The following NHSL1 variants were observed in gnomAD, a reference collection of about 807,000 sequenced individuals.
The protein encoded by NHSL1 is NHS-like protein 1.
A neutral mutation model predicts 95.0 loss-of-function variants in NHSL1; 48 were observed. The observed-to-expected ratio is 0.51, with a 90% CI of 0.40 to 0.64. The LOEUF (loss-of-function observed/expected upper bound fraction) is 0.64, where lower values mean the gene tolerates loss of function less well. Ranked by LOEUF, NHSL1 falls within the 30% of genes least tolerant of loss-of-function variation. The pLI, the probability that NHSL1 is intolerant of heterozygous loss-of-function variation, is 0.00. For missense variants in NHSL1, 1,971 were observed against 2,077.7 expected (o/e 0.95, Z 1.00); for synonymous variants, 783 against 833.9 (o/e 0.94, Z 1.05).
At chr6:138,578,080 G>A (rs957927443) in intron 1 of NHSL1, among the ~76,000 whole-genome samples, 1 of 152,128 alleles carries the variant, frequency 6.6e-6, no homozygotes, top group Non-Finnish European at 1.5e-5. Context: ...TTAAAAGAAG[G>A]AAAAGCACTG....
rs1780549951 is a variant in NHSL1 at position 138,499,352 on chromosome 6, C to G, written c.-62G>C. The stretch of plus-strand genomic sequence containing the variant: ...CACATTAAAAGCTCAGCCCAGTAGG[C>G]AGGTGGCAAGCTTCGTCCTTCTGCT... On this transcript the variant is annotated 5_prime_UTR_variant, in exon 1 of 8. Transcript: ENST00000343505. 6.5e-7 allele frequency: 1 copy of G among 1,539,742 alleles called. No individual in the cohort carries two copies. Among genetic ancestry groups the G allele is most frequent in the Admixed American group, 2.0e-5 (1 of 49,060 alleles).
chr6:138,481,058 T>C (rs1779388361), intron 2 of NHSL1, among the ~76,000 whole-genome samples: 1 of 152,164 alleles, frequency 6.6e-6, no homozygotes, highest in African/African-American at 2.4e-5. Context: ...ATCACAAAAC[T>C]TCATCTTAGT....
chr6:138,550,778 A>G (rs1156828707), intron 1 of NHSL1, among the ~76,000 whole-genome samples: 2 of 152,220 alleles, frequency 1.3e-5, no homozygotes, highest in Non-Finnish European at 2.9e-5. Context: ...GATCAGCTCA[A>G]AATTTGACTT....
At chr6:138,521,617 G>A (rs1183883838) in intron 1 of NHSL1, among the ~76,000 whole-genome samples, 2 of 152,150 alleles carry the variant, frequency 1.3e-5, no homozygotes, top group South Asian at 4.1e-4. Context: ...TTTTAGGTTG[G>A]CACTGGAAAG....
intron 1 of NHSL1, among the ~76,000 whole-genome samples, chr6:138,569,659 T>C (rs1290174255): frequency 6.6e-6 from 1 of 152,206 alleles, no homozygotes; most frequent in Non-Finnish European, 1.5e-5. Context: ...CATAAACAAA[T>C]GTCACTTCTG....
chr6:138,605,264 T>G (rs569344255), intron 1 of NHSL1, among the ~76,000 whole-genome samples: 2 of 151,954 alleles, frequency 1.3e-5, no homozygotes, highest in Non-Finnish European at 2.9e-5. Context: ...TTTGCTCTGT[T>G]GCCTAGGCTG....
intron 1 of NHSL1, among the ~76,000 whole-genome samples, chr6:138,678,013 AAG>A (rs1041394285): frequency 1.3e-5 from 2 of 152,184 alleles, no homozygotes; most frequent in Non-Finnish European, 2.9e-5. Context: ...TCTGTCAGTA[AAG>A]AGAGAGCAGA....
chr6:138,589,606 C>G (rs1332871679), intron 1 of NHSL1, among the ~76,000 whole-genome samples: 1 of 152,194 alleles, frequency 6.6e-6, no homozygotes, highest in Non-Finnish European at 1.5e-5. Flanking sequence ...CTGTACCCTC[C>G]CCAGCCTCCT....
intron 1 of NHSL1, among the ~76,000 whole-genome samples, chr6:138,567,033 T>G (rs1783645630): frequency 6.6e-6 from 1 of 152,220 alleles, no homozygotes; most frequent in Non-Finnish European, 1.5e-5. Context: ...TGATGCTACT[T>G]GACAATATTT....
chr6:138,577,530 A>G (rs970758665), upstream of NHSL1, among the ~76,000 whole-genome samples: 2 of 152,196 alleles, frequency 1.3e-5, no homozygotes, highest in African/African-American at 2.4e-5. Flanking sequence ...GGCATGTGAA[A>G]AGAGACAAAG....
rs555311443 is a variant in NHSL1, at chr6:138,458,811, T to C, written c.340-11618A>G. Among the ~76,000 whole-genome samples the C allele has an allele frequency of 2.5e-3, 335 of 132,834 alleles. 2 individuals are homozygous for C. Among genetic ancestry groups the C allele is most frequent in the Admixed American group, 3.5e-3 (44 of 12,396 alleles). The allele number at this position is 132,834 out of a possible 152,430, so 87.1% of individuals were successfully genotyped here. ...ACTGCACTCCAGCCTGGCAACAGAG[T>C]ACGTGAAAATCTGTCTCAAAAAAAA... On this transcript the variant is annotated intron_variant, in intron 3 of 7. Coordinates refer to ENST00000343505, the MANE Select transcript of NHSL1 (RefSeq NM_001144060.2).
chr6:138,433,054 G>A lies in NHSL1; in HGVS notation c.1291C>T (p.Gln431Ter). 1.3e-6 allele frequency: 2 copies of A among 1,551,450 alleles called. No individual in the cohort carries two copies. The highest frequency in any genetic ancestry group is 1.7e-6 in the Non-Finnish European group (2 of 1,146,948). Residue 431 changes from glutamine (Q) to a stop codon, truncating the protein, a stop_gained, in exon 6 of 8, where the codon CAG (glutamine) becomes TAG (stop). Coordinates refer to ENST00000343505, the MANE Select transcript of NHSL1 (RefSeq NM_001144060.2). LOFTEE classifies it high-confidence loss of function. ...TTACTTTCCCGCTGTCCCGCACTCT[G>A]AGCAGTGGGAATAGCGATGACCTCG... ...SSEVIAIPTA[Q>*]SAGQRESKSS...
In NHSL1 at chr6:138,673,015, ATAGC is replaced by A. The variant is rs1182567974; in HGVS notation, c.96+19457_96+19460del. Among the ~76,000 whole-genome samples, 3 of 113,218 alleles carry A rather than the reference ATAGC, an allele frequency of 2.6e-5. No homozygotes were observed. In the East Asian group the frequency reaches 7.8e-4, roughly 30 times the overall value. 74.3% of individuals were successfully genotyped at this position (113,218 alleles called of 152,430 possible). A position where few individuals can be genotyped will look rare whatever the true frequency, so the allele number is the denominator to read the frequency against. The stretch of plus-strand genomic sequence containing the variant: ...CTGGGAGAGCAAGACTGTCTCATAG[ATAGC>A]TAGATAGATAGGTAGATAGATAGAT... On this transcript the variant is annotated intron_variant, in intron 1 of 3. Coordinates refer to the NHSL1 transcript ENST00000491526.
rs899995809 is a variant in NHSL1, at chr6:138,424,783, T to C, written c.4119A>G (p.Ser1373=). Reference sequence around the variant, plus strand: ...AATGGTTTCGGGAGTGGTCATCATCTGAATCTCTACGGCCGAGGACTTTCC... The same window carrying C: ...AATGGTTTCGGGAGTGGTCATCATCCGAATCTCTACGGCCGAGGACTTTCC... ...SKRKVLGRRD[S]DDDHSRNHSP... Residue 1373 remains serine (S), a synonymous_variant, in exon 8 of 8, where the codon TCA becomes TCG. Coordinates refer to ENST00000343505, the MANE Select transcript of NHSL1 (RefSeq NM_001144060.2). This position sits in a 1 kb window ranked among gnomAD's most constrained non-coding sequence, Gnocchi z 5.9. 1.0e-5 allele frequency: 16 copies of C among 1,551,340 alleles called. No homozygotes were observed. In the African/African-American group the frequency reaches 1.5e-4, roughly 15 times the overall value.
Position 138,467,448 on chromosome 6 carries a change from G to A in NHSL1, c.339+5858C>T, listed in dbSNP as rs541082340. Among the ~76,000 whole-genome samples, 15 of 152,252 alleles carry A rather than the reference G, an allele frequency of 9.9e-5. No homozygotes were observed. The South Asian group carries it at 2.1e-3, about 21-fold the overall frequency. On this transcript the variant is annotated intron_variant, in intron 3 of 7. Coordinates refer to ENST00000343505, the MANE Select transcript of NHSL1 (RefSeq NM_001144060.2). ...ATTACAGGCGTAAGCCACCACGCCC[G>A]GCCAGTATTTTTTGTTATTTTAGAA... is the stretch of plus-strand genomic sequence containing the variant.
At position 138,424,124 on chromosome 6, in the gene NHSL1, T is replaced by C; in HGVS notation, c.4778A>G (p.Glu1593Gly). The C allele has an allele frequency of 2.1e-6, 3 of 1,423,682 alleles. No individual in the cohort carries two copies. The highest frequency in any genetic ancestry group is 1.4e-5 in the African/African-American group (1 of 69,616). The allele number at this position is 1,423,682 out of a possible 1,614,324, so 88.2% of individuals were successfully genotyped here. The part of the protein sequence containing the change: ...VDGTASAEGR[E>G]PSPQCGGSLS... ...AGAACCGCCACACTGTGGGGAGGGCTCTCTGCCCTCTGCACTGGCTGTCCC... is the reference window on the plus strand; with the variant it reads ...AGAACCGCCACACTGTGGGGAGGGCCCTCTGCCCTCTGCACTGGCTGTCCC... The change falls in exon 8 of 8, where the codon GAG becomes GGG. Residue 1593 changes from glutamate (E) to glycine (G), a missense_variant. Glu to Gly is a moderately conservative substitution (Grantham distance 98). This residue lies in a region of NHSL1 where 223 missense variants were observed against 217.0 expected (regional missense o/e 1.03). Coordinates refer to ENST00000343505, the MANE Select transcript of NHSL1 (RefSeq NM_001144060.2). The surrounding 1 kb of genome is among the most constrained non-coding windows in gnomAD (Gnocchi z 5.9).
At chr6:138,664,643 G>A (rs779430353) in intron 1 of NHSL1, among the ~76,000 whole-genome samples, 2 of 152,204 alleles carry the variant, frequency 1.3e-5, no homozygotes, top group African/African-American at 2.4e-5. Flanking sequence ...GAAACAGAAC[G>A]AATATGACAC....
chr6:138,592,955 T>C (rs1358222523), intron 1 of NHSL1, among the ~76,000 whole-genome samples: 1 of 152,202 alleles, frequency 6.6e-6, no homozygotes, highest in Non-Finnish European at 1.5e-5. Context: ...TCAGTTTACT[T>C]GCTTCCTCAT....
chr6:138,501,335 T>C (rs9376347), upstream of NHSL1, among the ~76,000 whole-genome samples: 45,525 of 152,056 alleles, frequency 0.3, 8,316 homozygotes, highest in African/African-American at 0.51. Context: ...CCTGCCCTCA[T>C]GGAGCTTAAA....
Sources: allele counts gnomAD v4.1 joint callset (sites outside exome capture counted in the v4.1 genomes callset), GRCh38; gene constraint gnomAD v4.1.1; regional missense constraint gnomAD v4.1.1; non-coding constraint Gnocchi (gnomAD v3.1); transcripts MANE v1.5; gene names NCBI Gene and HGNC (gene_info 2026-07-23, HGNC 2026-07-21).